The following TACO1 variants were observed in gnomAD, a reference collection of about 807,000 sequenced individuals.
The protein encoded by TACO1 is translational activator of cytochrome c oxidase I.
TACO1 carries 13 observed loss-of-function variants against 24.0 expected under a neutral mutation model. The observed-to-expected ratio is 0.54, with a 90% CI of 0.35 to 0.86. The LOEUF (loss-of-function observed/expected upper bound fraction) is 0.86. TACO1 is among the 40% of genes least tolerant of loss of function. The pLI, the probability that TACO1 is intolerant of heterozygous loss-of-function variation, is 0.01. For missense variants in TACO1, 352 were observed against 380.1 expected (o/e 0.93, Z 0.61); for synonymous variants, 149 against 153.5 (o/e 0.97, Z 0.22).
intron 4 of TACO1, 29 bp from the exon 5 acceptor site, chr17:63,607,773 C>G: frequency 6.2e-7 from 1 of 1,608,080 alleles, no homozygotes; most frequent in South Asian, 1.1e-5. Context: ...CTCCTGGCTC[C>G]TCACCTCCTG....
In TACO1 at chr17:63,607,269, T is replaced by A. The variant is rs138066238; in HGVS notation, c.516-18T>A. 4.1e-3 allele frequency: 6,623 copies of A among 1,612,568 alleles called. 20 individuals carry two copies. The highest frequency in any genetic ancestry group is 4.7e-3 in the Non-Finnish European group (5,557 of 1,179,552). ...CTAGAGGCATCCACTCATGCCAGCC[T>A]GTTTCCTTCCCTGTCAGAGGAGTGA... On this transcript the variant is annotated intron_variant, in intron 3 of 4. Coordinates refer to ENST00000258975, the MANE Select transcript of TACO1 (RefSeq NM_016360.4).
At chr17:63,606,515 G>T in intron 3 of TACO1, 75 bp downstream of exon 3, 1 of 1,572,912 alleles carries the variant, frequency 6.4e-7, no homozygotes, top group Non-Finnish European at 8.8e-7. Flanking sequence ...AAGTACTGTT[G>T]ATCTCTGCTA....
At chr17:63,607,610 C>T in intron 4 of TACO1, 146 bp downstream of exon 4, 1 of 978,754 alleles carries the variant, frequency 1.0e-6, no homozygotes, top group South Asian at 1.4e-5. Flanking sequence ...TAAGTGAATA[C>T]TGAATAGGAC....
intron 1 of TACO1, among the ~76,000 whole-genome samples, chr17:63,602,554 TCTCA>T (rs2033830287): frequency 6.6e-6 from 1 of 151,854 alleles, no homozygotes; most frequent in African/African-American, 2.4e-5. Flanking sequence ...TGAGACAGAG[TCTCA>T]CTCTGTCACC....
At chr17:63,602,757 T>C (rs1006593774) in intron 1 of TACO1, among the ~76,000 whole-genome samples, 1 of 151,810 alleles carries the variant, frequency 6.6e-6, no homozygotes. Flanking sequence ...CTCGAACTCC[T>C]GACCTCAAAT....
chr17:63,605,432 A>G (rs1261354624), intron 2 of TACO1, among the ~76,000 whole-genome samples: 1 of 152,158 alleles, frequency 6.6e-6, no homozygotes, highest in South Asian at 2.1e-4. Flanking sequence ...TAATAGCTCA[A>G]AATTATTGAG....
In TACO1 at chr17:63,608,047, C is replaced by T; in HGVS notation, c.*45C>T. On this transcript the variant is annotated 3_prime_UTR_variant, in exon 5 of 5. Transcript: ENST00000258975. ...GGGTTCCTTCCTAGAAATGTGGCAG[C>T]CCATTCCAGCACACAGGCTTCTGCA... 6.3e-7 allele frequency: 1 copy of T among 1,597,906 alleles called. No individual in the cohort carries two copies. The highest frequency in any genetic ancestry group is 8.6e-7 in the Non-Finnish European group (1 of 1,167,868).
intron 3 of TACO1, chr17:63,606,998 A>C (rs753815834): frequency 1.6e-5 from 8 of 498,564 alleles, no homozygotes; most frequent in African/African-American, 7.8e-5. Flanking sequence ...ATAATGCCTA[A>C]GTCTTAAAAT....
chr17:63,602,096 A>C (rs969490276), intron 1 of TACO1, among the ~76,000 whole-genome samples: 2 of 150,116 alleles, frequency 1.3e-5, no homozygotes, highest in African/African-American at 2.4e-5. Flanking sequence ...ATAACAAAAA[A>C]AAAAAAAAAA....
At chr17:63,604,763 C>T (rs529675896) in intron 2 of TACO1, 123 bp downstream of exon 2, 4 of 920,192 alleles carry the variant, frequency 4.3e-6, no homozygotes, top group South Asian at 4.0e-5. Context: ...ACTATAATCC[C>T]AGCACTTTGG....
chr17:63,607,275 C>T lies in TACO1; in HGVS notation c.516-12C>T. ...GCATCCACTCATGCCAGCCTGTTTC[C>T]TTCCCTGTCAGAGGAGTGATGGCTG... On this transcript the variant is annotated splice_polypyrimidine_tract_variant and intron_variant, in intron 3 of 4. Coordinates refer to ENST00000258975, the MANE Select transcript of TACO1 (RefSeq NM_016360.4). 1 of 1,613,028 alleles carries T rather than the reference C, an allele frequency of 6.2e-7. No homozygotes were observed. The highest frequency in any genetic ancestry group is 8.5e-7 in the Non-Finnish European group (1 of 1,179,826).
intron 1 of TACO1, 73 bp from the exon 2 acceptor site, chr17:63,604,461 A>G (rs1202903124): frequency 1.5e-6 from 2 of 1,344,056 alleles, no homozygotes; most frequent in Non-Finnish European, 2.1e-6. Context: ...GGGGCTGGAA[A>G]TCCCTTTTAT....
rs575623490 is a variant in TACO1 at position 63,607,588 on chromosome 17, A to C, written c.693+124A>C. ...ATAGGTGAGACAGTTCACATATTGTACAAACATTTATTAAGTGAATACTGA... is the reference window on the plus strand; with the variant it reads ...ATAGGTGAGACAGTTCACATATTGTCCAAACATTTATTAAGTGAATACTGA... On this transcript the variant is annotated intron_variant, in intron 4 of 4. Coordinates refer to ENST00000258975, the MANE Select transcript of TACO1 (RefSeq NM_016360.4). The C allele has an allele frequency of 5.0e-5, 54 of 1,086,804 alleles. No individual in the cohort carries two copies. The South Asian group carries it at 7.1e-4, about 14-fold the overall frequency. The allele number at this position is 1,086,804 out of a possible 1,614,324, so 67.3% of individuals were successfully genotyped here.
At chr17:63,601,492 A>C (rs1279980851) in intron 1 of TACO1, 129 bp downstream of exon 1, 1 of 971,830 alleles carries the variant, frequency 1.0e-6, no homozygotes, top group Non-Finnish European at 1.6e-6. Flanking sequence ...CCCAGTACCC[A>C]CCATTGCCCA....
In TACO1 at chr17:63,606,274, T is replaced by C. The variant is rs560885755; in HGVS notation, c.388-39T>C. The C allele has an allele frequency of 8.7e-6, 14 of 1,612,214 alleles. No individual in the cohort carries two copies. The Admixed American group carries it at 1.8e-4, about 21-fold the overall frequency. On this transcript the variant is annotated intron_variant, in intron 2 of 4. Coordinates refer to ENST00000258975, the MANE Select transcript of TACO1 (RefSeq NM_016360.4). ...TTCTGGGCTGACATGTGGGAAGGAA[T>C]TGGGAAACAGGAAAATGTGCTTGTG...
chr17:63,603,810 G>C (rs753621432), intron 1 of TACO1, among the ~76,000 whole-genome samples: 7 of 152,046 alleles, frequency 4.6e-5, no homozygotes, highest in Non-Finnish European at 7.4e-5. Context: ...GAGCTCAGGA[G>C]TTTGAGACCA....
rs762368459 is a variant in TACO1, at chr17:63,601,363, G to T, written c.280G>T (p.Glu94Ter). Residue 94 changes from glutamate to a stop codon, truncating the protein, a stop_gained and splice_region_variant, in exon 1 of 5, where the codon GAA becomes TAA. Coordinates refer to ENST00000258975, the MANE Select transcript of TACO1 (RefSeq NM_016360.4). LOFTEE classifies it high-confidence loss of function. ...TTTGAACATCCGCCTGGCAGTGAAA[G>T]GTGAGACCCTGACGGTCACCCAGCA... Reference protein sequence around the residue: ...LCLNIRLAVKEGGPNPEHNSN... With the variant: ...LCLNIRLAVK The T allele has an allele frequency of 1.9e-6, 3 of 1,612,296 alleles. No individual in the cohort carries two copies. The highest frequency in any genetic ancestry group is 2.5e-6 in the Non-Finnish European group (3 of 1,179,906).
chr17:63,604,902 C>G (rs566533459), intron 2 of TACO1, among the ~76,000 whole-genome samples: 2 of 151,964 alleles, frequency 1.3e-5, no homozygotes, highest in Non-Finnish European at 2.9e-5. Flanking sequence ...GTAATCCCAG[C>G]TACTGGGGAG....
rs117300555 is a variant in TACO1 at position 63,601,811 on chromosome 17, G to A, written c.280+448G>A. ...TGCTTAGGCCTTAGCTTAGGCCTTA[G>A]TTTGCTTCATTAATGTTTCCCCAAG... On this transcript the variant is annotated intron_variant, in intron 1 of 4. Transcript: ENST00000258975. 9.2e-3 allele frequency among the ~76,000 whole-genome samples: 1,399 copies of A among 152,258 alleles called. 13 individuals are homozygous for A. The highest frequency in any genetic ancestry group is 0.017 in the Middle Eastern group (5 of 294).
Sources: gnomAD v4.1 joint callset for allele counts (sites outside exome capture counted in the v4.1 genomes callset) on GRCh38, gnomAD v4.1.1 for gene constraint, MANE v1.5 for transcripts, NCBI Gene and HGNC (gene_info 2026-07-23, HGNC 2026-07-21) for gene names.